Variants in FIG4 observed in about 807,000 individuals in gnomAD.
The protein encoded by FIG4 is polyphosphoinositide phosphatase.
FIG4 carries 112 observed loss-of-function variants against 118.6 expected under a neutral mutation model. The observed-to-expected ratio is 0.94, with a 90% CI of 0.81 to 1.11. The LOEUF (loss-of-function observed/expected upper bound fraction) is 1.11, where lower values mean the gene tolerates loss of function less well. FIG4 is among the 50% of genes least tolerant of loss of function. FIG4 has a pLI of 0.00. For synonymous variants in FIG4, 369 were observed against 381.2 expected (o/e 0.97, Z 0.37); for missense variants, 969 against 1,111.7 (o/e 0.87, Z 1.83).
At chr6:109,756,283 G>T (rs1280273209) in intron 10 of FIG4, among the ~76,000 whole-genome samples, 1 of 152,208 alleles carries the variant, frequency 6.6e-6, no homozygotes, top group African/African-American at 2.4e-5. Flanking sequence ...CTTCTGGCTT[G>T]TAGAGTTTCT....
chr6:109,740,935 G>C (rs1049123298), intron 7 of FIG4, among the ~76,000 whole-genome samples: 2 of 152,128 alleles, frequency 1.3e-5, no homozygotes, highest in Admixed American at 6.5e-5. Context: ...GAGCAGAAGA[G>C]AGAGCGAGCA....
At chr6:109,782,312 A>G (rs1362742597) in intron 16 of FIG4, among the ~76,000 whole-genome samples, 4 of 152,130 alleles carry the variant, frequency 2.6e-5, no homozygotes, top group African/African-American at 9.7e-5. Context: ...GTCGTCTTAG[A>G]TGCTCTTATC....
intron 17 of FIG4, chr6:109,785,671 G>C (rs762073507): frequency 2.1e-5 from 10 of 470,734 alleles, no homozygotes; most frequent in African/African-American, 8.0e-5. Flanking sequence ...TTTGGTAAAG[G>C]GTTCCTAGCA....
chr6:109,700,243 T>C (rs1774866200), intron 1 of FIG4, among the ~76,000 whole-genome samples: 1 of 152,192 alleles, frequency 6.6e-6, no homozygotes. Context: ...TTTAAAACTA[T>C]CAATGTAAAT....
At chr6:109,730,977 A>T (rs986318580) in intron 4 of FIG4, among the ~76,000 whole-genome samples, 6 of 152,210 alleles carry the variant, frequency 3.9e-5, no homozygotes, top group African/African-American at 1.4e-4. Flanking sequence ...GTAACATATA[A>T]CAATGATTAT....
intron 3 of FIG4, among the ~76,000 whole-genome samples, chr6:109,719,763 A>T (rs1726430829): frequency 6.6e-6 from 1 of 152,032 alleles, no homozygotes; most frequent in Admixed American, 6.6e-5. Context: ...CTTTACATTA[A>T]ATGGCCTCTA....
At chr6:109,783,692 C>T (rs1472937396) in intron 16 of FIG4, among the ~76,000 whole-genome samples, 1 of 152,156 alleles carries the variant, frequency 6.6e-6, no homozygotes, top group Non-Finnish European at 1.5e-5. Context: ...TATTCAAAGC[C>T]TTGTTATTGA....
chr6:109,785,601 A>G (rs1777929607), intron 17 of FIG4: 2 of 452,916 alleles, frequency 4.4e-6, no homozygotes, highest in South Asian at 1.6e-5. Flanking sequence ...CAAATTTTAA[A>G]TAAAGCTTAG....
chr6:109,825,309 A>T lies in FIG4; in HGVS notation c.*44A>T. The T allele has an allele frequency of 6.4e-7, 1 of 1,569,824 alleles. No individual in the cohort carries two copies. The highest frequency in any genetic ancestry group is 8.8e-7 in the Non-Finnish European group (1 of 1,140,276). ...TGGTGGACACGTCTGATTAGCTTAG[A>T]ACCTGTCTTGTCTCATCTTCAAAAG... is the stretch of plus-strand genomic sequence containing the variant. On this transcript the variant is annotated 3_prime_UTR_variant, in exon 23 of 23. Transcript: ENST00000230124.
chr6:109,825,337 A>T lies in FIG4; in HGVS notation c.*72A>T, dbSNP rs1484885221. 7 of 1,428,852 alleles carry T rather than the reference A, an allele frequency of 4.9e-6. No individual in the cohort carries two copies. Among genetic ancestry groups the T allele is most frequent in the Non-Finnish European group, 6.9e-6 (7 of 1,016,814 alleles). 88.5% of individuals were successfully genotyped at this position (1,428,852 alleles called of 1,614,324 possible). A position where few individuals can be genotyped will look rare whatever the true frequency, so the allele number is the denominator to read the frequency against. On this transcript the variant is annotated 3_prime_UTR_variant, in exon 23 of 23. Transcript: ENST00000230124. ...CTGTCTTGTCTCATCTTCAAAAGGT[A>T]ACTTATTAAAAGTCCTTTGCGTCTG...
chr6:109,743,200 C>T lies in FIG4; in HGVS notation c.967C>T (p.Gln323Ter), dbSNP rs748273579. ...FTAGSYSSYV[Q>*]VRGSVPLYWS... ...TGCAGGAAGTTATTCTTCATATGTACAAGTTAGAGGATCTGTGCCCTTATA... is the reference window on the plus strand; with the variant it reads ...TGCAGGAAGTTATTCTTCATATGTATAAGTTAGAGGATCTGTGCCCTTATA... Residue 323 changes from glutamine (Q) to a stop codon, truncating the protein, a stop_gained, in exon 9 of 23, where the codon CAA becomes TAA. Transcript: ENST00000230124. LOFTEE classifies it high-confidence loss of function. The T allele has an allele frequency of 1.2e-6, 2 of 1,612,856 alleles. No individual in the cohort carries two copies. The highest frequency in any genetic ancestry group is 1.1e-5 in the South Asian group (1 of 91,070).
chr6:109,730,028 A>G (rs931309106), intron 4 of FIG4, among the ~76,000 whole-genome samples: 2 of 151,914 alleles, frequency 1.3e-5, no homozygotes, highest in African/African-American at 2.4e-5. Context: ...TGAAGATGTT[A>G]GTTTTCTCCA....
chr6:109,750,753 A>C (rs1776665034), intron 10 of FIG4, among the ~76,000 whole-genome samples: 1 of 152,188 alleles, frequency 6.6e-6, no homozygotes, highest in Non-Finnish European at 1.5e-5. Flanking sequence ...CTATTACACT[A>C]TGGACAGACA....
At chr6:109,767,745 G>T (rs1409859975) in intron 15 of FIG4, among the ~76,000 whole-genome samples, 1 of 152,146 alleles carries the variant, frequency 6.6e-6, no homozygotes, top group Non-Finnish European at 1.5e-5. Context: ...GGTGATGGGG[G>T]CCTGTAGTCC....
intron 10 of FIG4, among the ~76,000 whole-genome samples, chr6:109,752,332 G>A (rs12181598): frequency 0.46 from 67,861 of 147,686 alleles, 17,084 homozygotes; most frequent in African/African-American, 0.68. Context: ...AGCATGATTT[G>A]TAGTCCTTTG....
intron 22 of FIG4, among the ~76,000 whole-genome samples, chr6:109,802,188 C>T (rs1351392879): frequency 6.6e-6 from 1 of 152,194 alleles, no homozygotes; most frequent in Non-Finnish European, 1.5e-5. Flanking sequence ...TTACCCATCT[C>T]TGACTTTTTC....
intron 10 of FIG4, among the ~76,000 whole-genome samples, chr6:109,759,098 G>T (rs942439549): frequency 6.6e-6 from 1 of 152,232 alleles, no homozygotes; most frequent in East Asian, 1.9e-4. Flanking sequence ...CCATTACTGG[G>T]TATATACTCA....
chr6:109,795,595 CTTTTTTTT>C (rs72384711), intron 21 of FIG4, among the ~76,000 whole-genome samples: 10 of 69,528 alleles, frequency 1.4e-4, no homozygotes, highest in East Asian at 4.2e-4. Context: ...GGTTTCAGTC[CTTTTTTTT>C]TTTTTTTTTT....
At chr6:109,801,676 C>A (rs1158971509) in intron 22 of FIG4, among the ~76,000 whole-genome samples, 1 of 152,148 alleles carries the variant, frequency 6.6e-6, no homozygotes, top group African/African-American at 2.4e-5. Context: ...TGGGCTTCTA[C>A]CAGGGGAAGT....
Sources: allele counts gnomAD v4.1 joint callset (sites outside exome capture counted in the v4.1 genomes callset), GRCh38; gene constraint gnomAD v4.1.1; transcripts MANE v1.5; gene names NCBI Gene and HGNC (gene_info 2026-07-23, HGNC 2026-07-21).